ATP9A: variants seen among roughly 807,000 people sequenced by gnomAD.
ATP9A encodes ATPase phospholipid transporting 9A.
In ATP9A, 52 loss-of-function variants were observed where a neutral mutation model predicts 144.1. The ratio of observed to expected loss-of-function variants is 0.36; its 90% confidence interval spans 0.29 to 0.45. ATP9A has a LOEUF of 0.45. Ranked by LOEUF, ATP9A falls within the 20% of genes least tolerant of loss-of-function variation. The pLI is 1.00. For missense variants in ATP9A, 947 were observed against 1,392.7 expected, an observed-to-expected ratio of 0.68 and a Z score of 5.09; for synonymous variants, 582 against 557.4, an observed-to-expected ratio of 1.04 and a Z score of -0.62.
chr20:51,738,587 T>C (rs1288008156), intron 1 of ATP9A, among the ~76,000 whole-genome samples: 1 of 151,956 alleles, frequency 6.6e-6, no homozygotes, highest in Non-Finnish European at 1.5e-5. Context: ...GACACACCTG[T>C]AGTCCCAGGT....
At chr20:51,648,687 C>G (rs551465225) in intron 14 of ATP9A, among the ~76,000 whole-genome samples, 62 of 152,030 alleles carry the variant, frequency 4.1e-4, no homozygotes, top group Non-Finnish European at 8.8e-5. Context: ...CAAAAATTAT[C>G]CAGGTGTGGT....
In ATP9A at chr20:51,670,101, T is replaced by A. The variant is rs777918372; in HGVS notation, c.1189A>T (p.Thr397Ser). Residue 397 changes from threonine (T) to serine (S), a missense_variant, in exon 13 of 28, where the codon ACC becomes TCC. By Grantham distance (58) the Thr-to-Ser change is moderately conservative. Around this residue, in one of 2 missense-constraint regions of ATP9A, gnomAD observed 770 missense variants for 1,047.9 expected, o/e 0.73. Coordinates refer to ENST00000338821, the MANE Select transcript of ATP9A (RefSeq NM_006045.3). ...CGTTTGAAAATCATCTCGTTCTGGG[T>A]AAGAGTGCCTAAAACACAAGACAAA... The part of the protein sequence containing the change: ...YLLTDKTGTL[T>S]QNEMIFKRLH... 2.5e-6 allele frequency: 4 copies of A among 1,613,486 alleles called. No homozygotes were observed. The South Asian group carries it at 4.4e-5, about 18-fold the overall frequency.
rs914818417 is a variant in ATP9A at position 51,670,738 on chromosome 20, A to T, written c.1180+377T>A. On this transcript the variant is annotated intron_variant, in intron 12 of 27. Coordinates refer to ENST00000338821, the MANE Select transcript of ATP9A (RefSeq NM_006045.3). The stretch of plus-strand genomic sequence containing the variant: ...AAGCATTAAGTTGTGTAGCAGTATC[A>T]GGGTGTGGTCAGAGATCAGGCCTGA... Among the ~76,000 whole-genome samples, 7 of 152,148 alleles carry T rather than the reference A, an allele frequency of 4.6e-5. No homozygotes were observed. In the East Asian group the frequency reaches 1.4e-3, roughly 29 times the overall value.
chr20:51,757,714 G>A (rs2077862540), intron 1 of ATP9A, among the ~76,000 whole-genome samples: 1 of 152,110 alleles, frequency 6.6e-6, no homozygotes, highest in African/African-American at 2.4e-5. Flanking sequence ...AAACCAGCCT[G>A]AGCAACATGG....
intron 14 of ATP9A, among the ~76,000 whole-genome samples, chr20:51,646,201 T>C (rs763702616): frequency 2.7e-4 from 41 of 152,330 alleles, no homozygotes; most frequent in Non-Finnish European, 5.3e-4. Flanking sequence ...TTTTTCATCA[T>C]TTCTTGGCCA....
rs917960195 is a variant in ATP9A, at chr20:51,613,555, T to C, written c.2571+122A>G. On this transcript the variant is annotated intron_variant, in intron 23 of 27. Transcript: ENST00000338821. Reference sequence around the variant, plus strand: ...GTGACAGCTCCAAAGCATAATCTAATTCCCAGGCTTTTTCCATGATAATTA... The same window carrying C: ...GTGACAGCTCCAAAGCATAATCTAACTCCCAGGCTTTTTCCATGATAATTA... The C allele has an allele frequency of 4.3e-6, 5 of 1,156,436 alleles. No homozygotes were observed. The African/African-American group carries it at 7.9e-5, about 18-fold the overall frequency. 71.6% of individuals were successfully genotyped at this position (1,156,436 alleles called of 1,614,324 possible). A position where few individuals can be genotyped will look rare whatever the true frequency, so the allele number is the denominator to read the frequency against.
chr20:51,665,290 G>A (rs1296202112), intron 13 of ATP9A, among the ~76,000 whole-genome samples: 2 of 152,050 alleles, frequency 1.3e-5, no homozygotes, highest in Non-Finnish European at 2.9e-5. Flanking sequence ...TCTTTTTAGG[G>A]TTGATAAAAA....
At chr20:51,662,054 G>A (rs2077413076) in intron 13 of ATP9A, among the ~76,000 whole-genome samples, 1 of 152,118 alleles carries the variant, frequency 6.6e-6, no homozygotes, top group African/African-American at 2.4e-5. Flanking sequence ...CCTCCTACAA[G>A]GCACAGGACA....
At chr20:51,687,691 G>C (rs2077529071) in intron 9 of ATP9A, among the ~76,000 whole-genome samples, 1 of 151,802 alleles carries the variant, frequency 6.6e-6, no homozygotes, top group South Asian at 2.1e-4. Flanking sequence ...TTGAGCCCAG[G>C]AGTTCGAGGC....
rs2077893212 is a variant in ATP9A, at chr20:51,763,922, CATTTTCCT to C, written c.68+4372_68+4379del. Reference sequence around the variant, plus strand: ...GGACAGAATGCTCTACATAGTTATTCATTTTCCTAAATTTGATCAGGAAAAAGCAGTGA... The same window carrying C: ...GGACAGAATGCTCTACATAGTTATTCAAATTTGATCAGGAAAAAGCAGTGA... On this transcript the variant is annotated intron_variant, in intron 1 of 27. Transcript: ENST00000338821. Among the ~76,000 whole-genome samples the C allele has an allele frequency of 2.0e-5, 3 of 152,252 alleles. No homozygotes were observed. In the South Asian group the frequency reaches 6.2e-4, roughly 32 times the overall value.
intron 9 of ATP9A, among the ~76,000 whole-genome samples, chr20:51,680,594 C>G (rs907372686): frequency 6.6e-6 from 1 of 152,174 alleles, no homozygotes; most frequent in Non-Finnish European, 1.5e-5. Flanking sequence ...AGACGGACCT[C>G]AGCACTGCCT....
At chr20:51,743,402 T>TC (rs2077793387) in intron 1 of ATP9A, among the ~76,000 whole-genome samples, 1 of 133,990 alleles carries the variant, frequency 7.5e-6, no homozygotes, top group Admixed American at 7.4e-5. Flanking sequence ...ACTGATTTTT[T>TC]TTTTTTTTTT....
intron 7 of ATP9A, among the ~76,000 whole-genome samples, chr20:51,692,612 GC>G (rs1461162870): frequency 1.3e-5 from 2 of 152,168 alleles, no homozygotes; most frequent in Admixed American, 1.3e-4. Context: ...GACCAGCCTG[GC>G]CAACACGGTG....
rs189991402 is a variant in ATP9A, at chr20:51,679,398, C to T, written c.800-3190G>A. 1.7e-3 allele frequency among the ~76,000 whole-genome samples: 255 copies of T among 152,320 alleles called. 1 individual carries two copies. Among genetic ancestry groups the T allele is most frequent in the African/African-American group, 5.9e-3 (246 of 41,576 alleles). ...GGAAGATCTGATGACACTGAGTCCA[C>T]GTTCCTCATGCTACACCCAGGGAGT... On this transcript the variant is annotated intron_variant, in intron 9 of 27. Transcript: ENST00000338821.
chr20:51,725,124 T>A (rs2077706792), intron 3 of ATP9A, among the ~76,000 whole-genome samples: 1 of 152,132 alleles, frequency 6.6e-6, no homozygotes, highest in South Asian at 2.1e-4. Context: ...TTTTTTTGTT[T>A]GTTTTTGTTT....
rs545715095 is a variant in ATP9A, at chr20:51,649,338, G to A, written c.1506+7600C>T. On this transcript the variant is annotated intron_variant, in intron 14 of 27. Transcript: ENST00000338821. ...ATAGTCCAGACTCTAGGCATGGGCT[G>A]TCTGGTTTTAATCGTGCCAGCTATG... 7.9e-5 allele frequency among the ~76,000 whole-genome samples: 12 copies of A among 152,330 alleles called. No homozygotes were observed. The East Asian group carries it at 1.4e-3, about 17-fold the overall frequency.
At chr20:51,745,285 A>T (rs1228960446) in intron 1 of ATP9A, among the ~76,000 whole-genome samples, 1 of 149,678 alleles carries the variant, frequency 6.7e-6, no homozygotes, top group East Asian at 1.9e-4. Context: ...AAAAAAAAAA[A>T]TTAGCTGGGC....
intron 1 of ATP9A, among the ~76,000 whole-genome samples, chr20:51,740,406 C>T (rs1203996190): frequency 1.4e-5 from 2 of 147,346 alleles, no homozygotes; most frequent in Non-Finnish European, 3.0e-5. Flanking sequence ...TATCTAAAAT[C>T]TTTTAAGATT....
In ATP9A at chr20:51,713,092, A is replaced by G; in HGVS notation, c.328-18T>C. ...ACGAAGCCCTGCAGAGACAGACGACAGTGAGTCTTGCTACAGGCAGTGAGC... is the reference window on the plus strand; with the variant it reads ...ACGAAGCCCTGCAGAGACAGACGACGGTGAGTCTTGCTACAGGCAGTGAGC... On this transcript the variant is annotated intron_variant, in intron 3 of 27. Coordinates refer to ENST00000338821, the MANE Select transcript of ATP9A (RefSeq NM_006045.3). 1 of 1,595,404 alleles carries G rather than the reference A, an allele frequency of 6.3e-7. No individual in the cohort carries two copies. The highest frequency in any genetic ancestry group is 8.5e-7 in the Non-Finnish European group (1 of 1,170,588).
Sources: allele counts gnomAD v4.1 joint callset (sites outside exome capture counted in the v4.1 genomes callset), GRCh38; gene constraint gnomAD v4.1.1; regional missense constraint gnomAD v4.1.1; transcripts MANE v1.5; gene names NCBI Gene and HGNC (gene_info 2026-07-23, HGNC 2026-07-21).